Variants in TMOD1 observed in about 807,000 individuals in gnomAD.
TMOD1 encodes tropomodulin-1.
In TMOD1, 17 loss-of-function variants were observed where a neutral mutation model predicts 40.6. The ratio of observed to expected loss-of-function variants is 0.42; its 90% CI spans 0.29 to 0.63. The LOEUF is 0.63. Ranked by LOEUF, TMOD1 falls within the 20% of genes least tolerant of loss-of-function variation. TMOD1 has a pLI of 0.22. For missense variants in TMOD1, 391 were observed against 447.6 expected (o/e 0.87, Z 1.14); for synonymous variants, 181 against 175.0 (o/e 1.03, Z -0.27).
chr9:97,531,035 C>CA (rs903189707), intron 2 of TMOD1, among the ~76,000 whole-genome samples: 4 of 124,700 alleles, frequency 3.2e-5, no homozygotes, highest in East Asian at 2.3e-4. Flanking sequence ...TGATCCACAC[C>CA]CACCCCCCCC....
At chr9:97,584,798 G>A (rs1170712703) in intron 8 of TMOD1, among the ~76,000 whole-genome samples, 2 of 152,112 alleles carry the variant, frequency 1.3e-5, no homozygotes, top group Non-Finnish European at 2.9e-5. Flanking sequence ...TTTAAAGTCT[G>A]TTTTATCAGA....
chr9:97,578,551 T>A (rs927881012), intron 8 of TMOD1, among the ~76,000 whole-genome samples: 2 of 152,150 alleles, frequency 1.3e-5, no homozygotes, highest in Admixed American at 1.3e-4. Flanking sequence ...ATGTGAGAAC[T>A]GGGCCTAGAG....
intron 2 of TMOD1, among the ~76,000 whole-genome samples, chr9:97,526,909 C>T (rs1394545443): frequency 6.6e-6 from 1 of 152,182 alleles, no homozygotes; most frequent in Admixed American, 6.5e-5. Context: ...TTCCAGATAA[C>T]TCAGAATCCT....
chr9:97,577,273 C>A (rs1404977105), intron 8 of TMOD1, among the ~76,000 whole-genome samples: 3 of 152,156 alleles, frequency 2.0e-5, no homozygotes, highest in African/African-American at 7.2e-5. Context: ...TGGTCAGAGG[C>A]ATTCCTCCAT....
chr9:97,509,519 GT>G (rs1335547739), intron 1 of TMOD1, among the ~76,000 whole-genome samples: 78 of 75,744 alleles, frequency 1.0e-3, no homozygotes, highest in East Asian at 5.7e-3. Context: ...TTTGTTTTTT[GT>G]TTTTTTTTTA....
rs908512113 is a variant in TMOD1 at position 97,557,870 on chromosome 9, TAA to T, written c.397+4484_397+4485del. ...TTGAGTTTTGAGGAAGATCTAGACT[TAA>T]AAAAAAAAAAAAATCAAGTTCCCCA... is the stretch of plus-strand genomic sequence containing the variant. On this transcript the variant is annotated intron_variant, in intron 4 of 9. Coordinates refer to ENST00000259365, the MANE Select transcript of TMOD1 (RefSeq NM_003275.4). The surrounding 1 kb of genome is among the most constrained non-coding windows in gnomAD (Gnocchi z 4.4). Among the ~76,000 whole-genome samples the T allele has an allele frequency of 2.1e-5, 3 of 142,138 alleles. No homozygotes were observed. 93.2% of individuals were successfully genotyped at this position (142,138 alleles called of 152,430 possible).
chr9:97,601,210 ATCG>A lies in TMOD1; in HGVS notation c.*1513_*1515del. ...AAACACAATTGCAGCTGCATTCTGC[ATCG>A]CTGAAAACTGCAATATAATATTAAA... On this transcript the variant is annotated 3_prime_UTR_variant, in exon 10 of 10. Transcript: ENST00000259365. 1 of 1,288,132 alleles carries A rather than the reference ATCG, an allele frequency of 7.8e-7. No homozygotes were observed. The highest frequency in any genetic ancestry group is 1.3e-5 in the South Asian group (1 of 78,622). The allele number at this position is 1,288,132 out of a possible 1,614,324, so 79.8% of individuals were successfully genotyped here.
chr9:97,516,127 G>A (rs958956617), intron 1 of TMOD1: 3 of 152,180 alleles, frequency 2.0e-5, no homozygotes, highest in Non-Finnish European at 4.4e-5. Flanking sequence ...GCCGGTCACT[G>A]GCCTGAGATA....
chr9:97,582,960 ACTT>A (rs944820662), intron 8 of TMOD1, among the ~76,000 whole-genome samples: 4 of 151,538 alleles, frequency 2.6e-5, no homozygotes, highest in Non-Finnish European at 5.9e-5. Context: ...GGACAATTTG[ACTT>A]CTTCTTTTCC....
At chr9:97,527,261 G>A (rs1467014184) in intron 2 of TMOD1, among the ~76,000 whole-genome samples, 1 of 152,206 alleles carries the variant, frequency 6.6e-6, no homozygotes, top group Non-Finnish European at 1.5e-5. Context: ...GAACAAAAGA[G>A]GCATGTAGCC....
chr9:97,565,706 G>C lies in TMOD1; in HGVS notation c.619-142G>C, dbSNP rs959081440. On this transcript the variant is annotated intron_variant, in intron 6 of 9. Transcript: ENST00000259365. ...TTCTCCCCAGATTTCAGTCGTCCGG[G>C]ACAAAGCCTAAACCTTTTGCCCATT... is the stretch of plus-strand genomic sequence containing the variant. 27 of 656,470 alleles carry C rather than the reference G, an allele frequency of 4.1e-5. 1 individual carries two copies. The highest frequency in any genetic ancestry group is 5.9e-5 in the Non-Finnish European group (22 of 374,474). The allele number at this position is 656,470 out of a possible 1,614,324, so 40.7% of individuals were successfully genotyped here. A position where few individuals can be genotyped will look rare whatever the true frequency, so the allele number is the denominator to read the frequency against.
intron 5 of TMOD1, among the ~76,000 whole-genome samples, 199 bp downstream of exon 5, chr9:97,563,020 T>G (rs1830664357): frequency 6.6e-6 from 1 of 152,236 alleles, no homozygotes; most frequent in Non-Finnish European, 1.5e-5. Context: ...CTCCTATATT[T>G]TCTTCTAAAA....
At chr9:97,553,652 G>GGT (rs1830486508) in intron 4 of TMOD1, among the ~76,000 whole-genome samples, 1 of 152,138 alleles carries the variant, frequency 6.6e-6, no homozygotes, top group South Asian at 2.1e-4. Flanking sequence ...GAGGGACGTG[G>GGT]GTGTATCTCA....
chr9:97,550,208 G>A (rs754516902), intron 3 of TMOD1, among the ~76,000 whole-genome samples: 8 of 152,192 alleles, frequency 5.3e-5, no homozygotes, highest in African/African-American at 1.2e-4. Context: ...GTTGTAGCAC[G>A]AATCAGTGCT....
At chr9:97,571,800 G>A (rs925127247) in intron 8 of TMOD1, among the ~76,000 whole-genome samples, 1 of 152,252 alleles carries the variant, frequency 6.6e-6, no homozygotes, top group Non-Finnish European at 1.5e-5. Context: ...TGTGATGTCA[G>A]CCTGGCTTTT....
chr9:97,553,236 T>G (rs759303721), intron 3 of TMOD1, 45 bp from the exon 4 acceptor site: 41 of 1,611,206 alleles, frequency 2.5e-5, no homozygotes, highest in African/African-American at 2.7e-5. Context: ...CCAGAGGCTG[T>G]TCCATTGCAG....
intron 3 of TMOD1, among the ~76,000 whole-genome samples, chr9:97,551,589 T>C (rs1043667600): frequency 2.0e-5 from 3 of 152,208 alleles, no homozygotes; most frequent in African/African-American, 4.8e-5. Flanking sequence ...AGCACTACAC[T>C]GTTTAGCTTT....
At chr9:97,528,256 G>T (rs886996243) in intron 2 of TMOD1, among the ~76,000 whole-genome samples, 2 of 152,182 alleles carry the variant, frequency 1.3e-5, no homozygotes, top group Non-Finnish European at 2.9e-5. Flanking sequence ...ACCCAGGCAG[G>T]CACGGAGACT....
chr9:97,520,484 C>T (rs904027920), intron 1 of TMOD1, among the ~76,000 whole-genome samples: 3 of 152,212 alleles, frequency 2.0e-5, no homozygotes, highest in African/African-American at 7.2e-5. Context: ...ATTTCCTCCA[C>T]CACAGGAGAA....
Sources: allele counts gnomAD v4.1 joint callset (sites outside exome capture counted in the v4.1 genomes callset), GRCh38; gene constraint gnomAD v4.1.1; non-coding constraint Gnocchi (gnomAD v3.1); transcripts MANE v1.5; gene names NCBI Gene and HGNC (gene_info 2026-07-23, HGNC 2026-07-21).